Variants in KDM4B observed in about 807,000 individuals in gnomAD.
The protein encoded by KDM4B is lysine demethylase 4B.
A neutral mutation model predicts 125.2 loss-of-function variants in KDM4B; 32 were observed. The ratio of observed to expected loss-of-function variants is 0.26; its 90% CI spans 0.19 to 0.34. The LOEUF is 0.34. Among genes scored for constraint, KDM4B ranks in the 10% least tolerant of loss-of-function variants. The pLI is 1.00. For synonymous variants in KDM4B, 721 were observed against 677.9 expected (o/e 1.06, Z -0.99); for missense variants, 1,190 against 1,577.7 (o/e 0.75, Z 4.16).
At chr19:5,068,092 C>CTT (rs60727736) in intron 6 of KDM4B, among the ~76,000 whole-genome samples, 7 of 141,710 alleles carry the variant, frequency 4.9e-5, no homozygotes, top group African/African-American at 1.3e-4. Flanking sequence ...CTGCTTTTGC[C>CTT]TTTTTTTTTT....
chr19:5,058,747 G>T (rs1213769483), intron 6 of KDM4B, among the ~76,000 whole-genome samples: 2 of 152,188 alleles, frequency 1.3e-5, no homozygotes, highest in Non-Finnish European at 1.5e-5. Flanking sequence ...TTTGTTCAAA[G>T]CGGGCGCTTC....
chr19:5,007,318 T>C (rs1365187118), intron 1 of KDM4B, among the ~76,000 whole-genome samples: 1 of 152,238 alleles, frequency 6.6e-6, no homozygotes, highest in Non-Finnish European at 1.5e-5. Flanking sequence ...CCTTGCTTCA[T>C]TGCTGTGATG....
At position 5,138,146 on chromosome 19, in the gene KDM4B, G is replaced by T. The variant is rs577932748; in HGVS notation, c.2550+76G>T. ...GCCATGCTCGGCTCCCCACCTGCGC[G>T]ATCTGAAGCGGTCTTTCCTCCAAGC... is the stretch of plus-strand genomic sequence containing the variant. On this transcript the variant is annotated intron_variant, in intron 18 of 22. Transcript: ENST00000159111. 10 of 1,118,628 alleles carry T rather than the reference G, an allele frequency of 8.9e-6. No homozygotes were observed. In the East Asian group the frequency reaches 1.8e-4, roughly 20 times the overall value. 69.3% of individuals were successfully genotyped at this position (1,118,628 alleles called of 1,614,324 possible).
chr19:5,022,871 AAGTTTTAATTTGT>A (rs1371077672), intron 2 of KDM4B, among the ~76,000 whole-genome samples: 1 of 149,594 alleles, frequency 6.7e-6, no homozygotes, highest in Non-Finnish European at 1.5e-5. Flanking sequence ...TTTTTTTTTG[AAGTTTTAATTTGT>A]AGTTTTTATG....
At chr19:5,087,568 G>T (rs1226757275) in intron 9 of KDM4B, among the ~76,000 whole-genome samples, 1 of 152,202 alleles carries the variant, frequency 6.6e-6, no homozygotes, top group African/African-American at 2.4e-5. Flanking sequence ...CTTTCTGGGG[G>T]GTGGGGTAGG....
chr19:5,144,030 G>A lies in KDM4B; in HGVS notation c.2614G>A (p.Glu872Lys), dbSNP rs778616444. Residue 872 changes from glutamate (E) to lysine (K), a missense_variant, in exon 19 of 23, where the codon GAG becomes AAG. Glu to Lys is a moderately conservative substitution (Grantham distance 56, BLOSUM62 1). This residue lies in a region of KDM4B where 298 missense variants were observed against 439.7 expected (regional missense o/e 0.68). Coordinates refer to ENST00000159111, the MANE Select transcript of KDM4B (RefSeq NM_015015.3). ...AGGTGCCTGTATCCAGTGCTCCTAC[G>A]AGCACTGCTCCACGTCCTTCCACGT... ...VSGACIQCSYEHCSTSFHVTC... is the reference protein window; with the variant it reads ...VSGACIQCSYKHCSTSFHVTC... 27 of 1,601,068 alleles carry A rather than the reference G, an allele frequency of 1.7e-5. No individual in the cohort carries two copies. Among genetic ancestry groups the A allele is most frequent in the Non-Finnish European group, 2.1e-5 (25 of 1,169,928 alleles).
chr19:5,016,975 A>G (rs1335546269), intron 2 of KDM4B, among the ~76,000 whole-genome samples: 1 of 152,198 alleles, frequency 6.6e-6, no homozygotes, highest in Non-Finnish European at 1.5e-5. Context: ...GAGGGTGTCA[A>G]GTGTGGGATG....
chr19:5,118,577 C>T (rs946861080), intron 10 of KDM4B, among the ~76,000 whole-genome samples: 4 of 152,138 alleles, frequency 2.6e-5, no homozygotes, highest in Non-Finnish European at 4.4e-5. Flanking sequence ...TCTGCCTGAG[C>T]CCCCTGGGAA....
intron 2 of KDM4B, among the ~76,000 whole-genome samples, chr19:5,028,684 G>A (rs774813138): frequency 3.3e-5 from 5 of 152,158 alleles, no homozygotes; most frequent in Non-Finnish European, 5.9e-5. Context: ...CCACGTCACC[G>A]TCCTGCCAGC....
rs140983042 is a variant in KDM4B, at chr19:5,041,151, G to A, written c.332G>A (p.Arg111Gln). ...TTGTTCACCAGGTACTGTACCCCGC[G>A]GCACCAGGACTTTGATGACCTTGAA... ...LANSEKYCTP[R>Q]HQDFDDLERK... The change falls in exon 5 of 23, where the codon CGG (arginine) becomes CAG (glutamine). Residue 111 changes from arginine to glutamine, a missense_variant. Coordinates refer to ENST00000159111, the MANE Select transcript of KDM4B (RefSeq NM_015015.3). The A allele has an allele frequency of 1.2e-6, 2 of 1,611,454 alleles. No homozygotes were observed. The highest frequency in any genetic ancestry group is 1.7e-6 in the Non-Finnish European group (2 of 1,178,248).
chr19:4,986,652 C>T (rs117938728), intron 1 of KDM4B, among the ~76,000 whole-genome samples: 13 of 152,216 alleles, frequency 8.5e-5, no homozygotes, highest in Non-Finnish European at 1.3e-4. Context: ...CGAGGGGCGG[C>T]GCTGCTTTAG....
At chr19:4,985,787 G>A (rs974956184) in intron 1 of KDM4B, among the ~76,000 whole-genome samples, 9 of 152,344 alleles carry the variant, frequency 5.9e-5, no homozygotes, top group Non-Finnish European at 7.3e-5. Flanking sequence ...TCCTGTGGGC[G>A]GATGGTTTTG....
At chr19:5,029,012 G>A (rs987926661) in intron 2 of KDM4B, among the ~76,000 whole-genome samples, 2 of 152,234 alleles carry the variant, frequency 1.3e-5, no homozygotes, top group African/African-American at 4.8e-5. Context: ...CCCAGCTCAA[G>A]CGATTCTCCT....
chr19:5,104,399 A>G, intron 9 of KDM4B, among the ~76,000 whole-genome samples: 1 of 151,780 alleles, frequency 6.6e-6, no homozygotes, highest in Non-Finnish European at 1.5e-5. Flanking sequence ...GGGAGACGTG[A>G]CTCTTTTTGA....
intron 1 of KDM4B, among the ~76,000 whole-genome samples, chr19:5,012,708 A>G (rs928091808): frequency 6.6e-6 from 1 of 152,172 alleles, no homozygotes; most frequent in Non-Finnish European, 1.5e-5. Context: ...TTCAGAGGTA[A>G]GGGCTCTTCT....
At position 5,104,572 on chromosome 19, in the gene KDM4B, G is replaced by A. The variant is rs186113852; in HGVS notation, c.919-6050G>A. Among the ~76,000 whole-genome samples, 94 of 151,938 alleles carry A rather than the reference G, an allele frequency of 6.2e-4. 1 individual carries two copies. The highest frequency in any genetic ancestry group is 1.9e-3 in the African/African-American group (78 of 41,400). ...TTGTGAGCCAGACAGTTCTGAACCC[G>A]GCAAAGAGCAGGCACAGGGATGCTC... On this transcript the variant is annotated intron_variant, in intron 9 of 22. Transcript: ENST00000159111.
chr19:5,049,603 C>T (rs1337282970), intron 6 of KDM4B, among the ~76,000 whole-genome samples: 1 of 152,096 alleles, frequency 6.6e-6, no homozygotes, highest in Non-Finnish European at 1.5e-5. Flanking sequence ...CCACAGTCAG[C>T]TCAGCCTGCT....
intron 3 of KDM4B, among the ~76,000 whole-genome samples, chr19:5,038,168 G>A (rs889378949): frequency 7.2e-5 from 11 of 152,202 alleles, no homozygotes; most frequent in Admixed American, 4.6e-4. Flanking sequence ...TGGCCCGGTC[G>A]ACTCCTGGAA....
chr19:5,047,328 G>A (rs1391289686), intron 5 of KDM4B, 148 bp from the exon 6 acceptor site: 1 of 675,224 alleles, frequency 1.5e-6, no homozygotes, highest in Admixed American at 2.9e-5. Context: ...TGCAGGGTAT[G>A]ACCGGCCCCT....
Sources: allele counts gnomAD v4.1 joint callset (sites outside exome capture counted in the v4.1 genomes callset), GRCh38; gene constraint gnomAD v4.1.1; regional missense constraint gnomAD v4.1.1; transcripts MANE v1.5; gene names NCBI Gene and HGNC (gene_info 2026-07-23, HGNC 2026-07-21).